Variants in POU3F2 observed in about 807,000 individuals in gnomAD.
POU3F2 encodes POU class 3 homeobox 2.
In POU3F2, 11 loss-of-function variants were observed where a neutral mutation model predicts 33.1. The ratio of observed to expected loss-of-function variants is 0.33; its 90% CI spans 0.21 to 0.55. POU3F2 has a LOEUF of 0.55. Among genes scored for constraint, POU3F2 ranks in the 20% least tolerant of loss-of-function variants. The pLI is 0.91. For missense variants in POU3F2, 456 were observed against 620.2 expected, an observed-to-expected ratio of 0.74 and a Z score of 2.81; for synonymous variants, 332 against 289.6, an observed-to-expected ratio of 1.15 and a Z score of -1.49.
Position 98,834,682 on chromosome 6 carries a change from C to T in POU3F2, c.-192C>T, listed in dbSNP as rs898817967. 11 of 585,612 alleles carry T rather than the reference C, an allele frequency of 1.9e-5. No homozygotes were observed. The highest frequency in any genetic ancestry group is 3.2e-5 in the Admixed American group (1 of 30,976). The allele number at this position is 585,612 out of a possible 1,614,324, so 36.3% of individuals were successfully genotyped here. A position where few individuals can be genotyped will look rare whatever the true frequency, so the allele number is the denominator to read the frequency against. ...AAAGAGAGCGAGGGCGGGCGGGAGGCGGCGGCGGCGGCAGCAGCAGCAGTA... is the reference window on the plus strand; with the variant it reads ...AAAGAGAGCGAGGGCGGGCGGGAGGTGGCGGCGGCGGCAGCAGCAGCAGTA... On this transcript the variant is annotated 5_prime_UTR_variant, in exon 1 of 1. Coordinates refer to ENST00000328345, the MANE Select transcript of POU3F2 (RefSeq NM_005604.4).
In POU3F2 at chr6:98,835,101, C is replaced by A; in HGVS notation, c.228C>A (p.Gly76=). ...GCGGCGGCGGCGGGGGCGGTGGCGG[C>A]GGCGGGGGGGGCGGGGGCGGCGGCG... ...SHGGGGGGGG[G]GGGGGGGGGG... The change falls in exon 1 of 1, where the codon GGC becomes GGA. Residue 76 remains glycine (G), a synonymous_variant. Coordinates refer to ENST00000328345, the MANE Select transcript of POU3F2 (RefSeq NM_005604.4). This position sits in a 1 kb window ranked among gnomAD's most constrained non-coding sequence, Gnocchi z 9.7. 8.6e-7 allele frequency: 1 copy of A among 1,166,278 alleles called. No individual in the cohort carries two copies. Among genetic ancestry groups the A allele is most frequent in the Non-Finnish European group, 1.1e-6 (1 of 949,656 alleles). The allele number at this position is 1,166,278 out of a possible 1,614,324, so 72.2% of individuals were successfully genotyped here.
In POU3F2 at chr6:98,834,888, G is replaced by T. The variant is rs2128367697; in HGVS notation, c.15G>T (p.Ala5=). 1 of 1,599,230 alleles carries T rather than the reference G, an allele frequency of 6.3e-7. No individual in the cohort carries two copies. The change falls in exon 1 of 1, where the codon GCG becomes GCT. Residue 5 remains alanine (A), a synonymous_variant. Coordinates refer to ENST00000328345, the MANE Select transcript of POU3F2 (RefSeq NM_005604.4). ...CTCCGAGAGTCATGGCGACCGCAGCGTCTAACCACTACAGCCTGCTCACCT... is the reference window on the plus strand; with the variant it reads ...CTCCGAGAGTCATGGCGACCGCAGCTTCTAACCACTACAGCCTGCTCACCT... MATA[A]SNHYSLLTSS...
rs1769979880 is a variant in POU3F2 at position 98,835,290 on chromosome 6, G to A, written c.417G>A (p.Gln139=). 1.3e-6 allele frequency: 2 copies of A among 1,544,612 alleles called. No individual in the cohort carries two copies. The highest frequency in any genetic ancestry group is 2.0e-5 in the Admixed American group (1 of 50,740). The change falls in exon 1 of 1, where the codon CAG becomes CAA. Residue 139 remains glutamine (Q), a synonymous_variant. Transcript: ENST00000328345. The surrounding 1 kb of genome is among the most constrained non-coding windows in gnomAD (Gnocchi z 9.7). ...QQQQQQQQQQ[Q]QQQQQQQQQQ... Reference sequence around the variant, plus strand: ...AGCAACAGCAACAGCAGCAGCAACAGCAGCAACAGCAGCAGCAGCAGCAGC... The same window carrying A: ...AGCAACAGCAACAGCAGCAGCAACAACAGCAACAGCAGCAGCAGCAGCAGC...
rs1281836098 is a variant in POU3F2, at chr6:98,838,418, A to C, written c.*2213A>C. ...TTACTAAGATGAAAGTTACCACTGA[A>C]CCTTACCACTATGTATATATGTTTA... On this transcript the variant is annotated 3_prime_UTR_variant, in exon 1 of 1. Coordinates refer to ENST00000328345, the MANE Select transcript of POU3F2 (RefSeq NM_005604.4). 2 of 166,988 alleles carry C rather than the reference A, an allele frequency of 1.2e-5. No homozygotes were observed. The highest frequency in any genetic ancestry group is 2.9e-5 in the Non-Finnish European group (2 of 68,106). The allele number at this position is 166,988 out of a possible 1,614,324, so 10.3% of individuals were successfully genotyped here.
chr6:98,839,152 TG>T lies in POU3F2; in HGVS notation c.*2948del, dbSNP rs776841872. On this transcript the variant is annotated 3_prime_UTR_variant, in exon 1 of 1. Coordinates refer to ENST00000328345, the MANE Select transcript of POU3F2 (RefSeq NM_005604.4). ...GCCATTTCATGGTCCTACAAAGAGA[TG>T]TTTGTCCCCTTTAAACATATGCAGA... 10 of 152,344 alleles carry T rather than the reference TG, an allele frequency of 6.6e-5. No homozygotes were observed. The highest frequency in any genetic ancestry group is 1.5e-4 in the Non-Finnish European group (10 of 68,034). The allele number at this position is 152,344 out of a possible 1,614,324, so 9.4% of individuals were successfully genotyped here. A position where few individuals can be genotyped will look rare whatever the true frequency, so the allele number is the denominator to read the frequency against.
rs1770042685 is a variant in POU3F2 at position 98,839,433 on chromosome 6, T to A, written c.*3228T>A. Reference sequence around the variant, plus strand: ...GTAGATCCTATACATTATTCCTGTTTGGTTTGCATAAAAAGATGAATTTTA... The same window carrying A: ...GTAGATCCTATACATTATTCCTGTTAGGTTTGCATAAAAAGATGAATTTTA... On this transcript the variant is annotated 3_prime_UTR_variant, in exon 1 of 1. Transcript: ENST00000328345. 6.6e-6 allele frequency: 1 copy of A among 152,244 alleles called. No individual in the cohort carries two copies. Among genetic ancestry groups the A allele is most frequent in the Non-Finnish European group, 1.5e-5 (1 of 68,044 alleles). The allele number at this position is 152,244 out of a possible 1,614,324, so 9.4% of individuals were successfully genotyped here. A position where few individuals can be genotyped will look rare whatever the true frequency, so the allele number is the denominator to read the frequency against.
chr6:98,835,977 T>C lies in POU3F2; in HGVS notation c.1104T>C (p.Ala368=), dbSNP rs891792469. The C allele has an allele frequency of 1.9e-6, 3 of 1,613,790 alleles. No individual in the cohort carries two copies. Among genetic ancestry groups the C allele is most frequent in the African/African-American group, 2.7e-5 (2 of 74,898 alleles). The change falls in exon 1 of 1, where the codon GCT becomes GCC. Residue 368 remains alanine (A), a synonymous_variant. Coordinates refer to ENST00000328345, the MANE Select transcript of POU3F2 (RefSeq NM_005604.4). This position sits in a 1 kb window ranked among gnomAD's most constrained non-coding sequence, Gnocchi z 9.7. ...RTSIEVSVKG[A]LESHFLKCPK... The stretch of plus-strand genomic sequence containing the variant: ...CCATCGAGGTGAGCGTCAAGGGGGC[T>C]CTGGAGAGCCATTTCCTCAAATGCC...
rs777433393 is a variant in POU3F2, at chr6:98,837,501, T to A, written c.*1296T>A. On this transcript the variant is annotated 3_prime_UTR_variant, in exon 1 of 1. Transcript: ENST00000328345. ...AAGACTGTGTTTTTTAGCACACAGA[T>A]ACCCACAGCATACACTGACGATCTC... is the stretch of plus-strand genomic sequence containing the variant. The A allele has an allele frequency of 6.6e-5, 11 of 167,010 alleles. No homozygotes were observed. Among genetic ancestry groups the A allele is most frequent in the Admixed American group, 5.2e-4 (8 of 15,284 alleles). 10.3% of individuals were successfully genotyped at this position (167,010 alleles called of 1,614,324 possible).
At position 98,839,119 on chromosome 6, in the gene POU3F2, A is replaced by G. The variant is rs1231248603; in HGVS notation, c.*2914A>G. On this transcript the variant is annotated 3_prime_UTR_variant, in exon 1 of 1. Coordinates refer to ENST00000328345, the MANE Select transcript of POU3F2 (RefSeq NM_005604.4). ...AAATGGTCATTGGGTTTGAGCTTCA[A>G]TTTGCTTGCCATTTCATGGTCCTAC... 1 of 152,014 alleles carries G rather than the reference A, an allele frequency of 6.6e-6. No homozygotes were observed. Among genetic ancestry groups the G allele is most frequent in the Non-Finnish European group, 1.5e-5 (1 of 68,006 alleles). 9.4% of individuals were successfully genotyped at this position (152,014 alleles called of 1,614,324 possible).
chr6:98,834,803 C>A lies in POU3F2; in HGVS notation c.-71C>A. On this transcript the variant is annotated 5_prime_UTR_variant, in exon 1 of 1. Transcript: ENST00000328345. ...AGAAAGAGCGAGCGAGGAGAGGGAG[C>A]CCGAGGCGAAAAAGTAACTGTCAAA... 2.0e-6 allele frequency: 3 copies of A among 1,517,850 alleles called. No individual in the cohort carries two copies. The highest frequency in any genetic ancestry group is 1.8e-6 in the Non-Finnish European group (2 of 1,125,228). 94.0% of individuals were successfully genotyped at this position (1,517,850 alleles called of 1,614,324 possible). A position where few individuals can be genotyped will look rare whatever the true frequency, so the allele number is the denominator to read the frequency against.
At position 98,835,346 on chromosome 6, in the gene POU3F2, C is replaced by A. The variant is rs1401873134; in HGVS notation, c.473C>A (p.Ala158Asp). ...QQRPPHLVHH[A>D]ANHHPGPGAW... ...CGGCCGCCGCATCTGGTGCACCACG[C>A]CGCTAACCACCACCCGGGACCCGGG... is the stretch of plus-strand genomic sequence containing the variant. Residue 158 changes from alanine to aspartate, a missense_variant, in exon 1 of 1, where the codon GCC becomes GAC. Transcript: ENST00000328345. The surrounding 1 kb of genome is among the most constrained non-coding windows in gnomAD (Gnocchi z 9.7). 1.1e-5 allele frequency: 17 copies of A among 1,547,146 alleles called. No homozygotes were observed. Among genetic ancestry groups the A allele is most frequent in the Non-Finnish European group, 1.3e-5 (15 of 1,146,904 alleles).
chr6:98,835,257 T>TCAGCAGCAGCAA lies in POU3F2; in HGVS notation c.390_401dup (p.Gln146_Gln149dup). ...GGCCAGGCGCCCTGCAGCAGCAGCATCAGCAGCAGCAACAGCAACAGCAGC... is the reference window on the plus strand; with the variant it reads ...GGCCAGGCGCCCTGCAGCAGCAGCATCAGCAGCAGCAACAGCAGCAGCAACAGCAACAGCAGC... On this transcript the variant is annotated inframe_insertion, in exon 1 of 1. Coordinates refer to ENST00000328345, the MANE Select transcript of POU3F2 (RefSeq NM_005604.4). The surrounding 1 kb of genome is among the most constrained non-coding windows in gnomAD (Gnocchi z 9.7). The TCAGCAGCAGCAA allele has an allele frequency of 1.9e-6, 3 of 1,542,212 alleles. No individual in the cohort carries two copies. Among genetic ancestry groups the TCAGCAGCAGCAA allele is most frequent in the Non-Finnish European group, 2.6e-6 (3 of 1,144,210 alleles).
Position 98,834,816 on chromosome 6 carries a change from A to C in POU3F2, c.-58A>C. On this transcript the variant is annotated 5_prime_UTR_variant, in exon 1 of 1. Coordinates refer to ENST00000328345, the MANE Select transcript of POU3F2 (RefSeq NM_005604.4). Reference sequence around the variant, plus strand: ...GAGGAGAGGGAGCCCGAGGCGAAAAAGTAACTGTCAAATGCGCGGCTCCTT... The same window carrying C: ...GAGGAGAGGGAGCCCGAGGCGAAAACGTAACTGTCAAATGCGCGGCTCCTT... 3.8e-6 allele frequency: 6 copies of C among 1,559,948 alleles called. No homozygotes were observed. The highest frequency in any genetic ancestry group is 1.1e-5 in the South Asian group (1 of 89,098).
chr6:98,836,936 C>T lies in POU3F2; in HGVS notation c.*731C>T, dbSNP rs1423936872. The T allele has an allele frequency of 1.2e-5, 2 of 167,064 alleles. No individual in the cohort carries two copies. Among genetic ancestry groups the T allele is most frequent in the Non-Finnish European group, 1.5e-5 (1 of 68,112 alleles). 10.3% of individuals were successfully genotyped at this position (167,064 alleles called of 1,614,324 possible). ...TCGTACTGTTTGTGAACTTTGGTTA[C>T]CTTCACATTCCCCTTACGAGGGTGT... On this transcript the variant is annotated 3_prime_UTR_variant, in exon 1 of 1. Transcript: ENST00000328345.
chr6:98,835,459 A>G lies in POU3F2; in HGVS notation c.586A>G (p.Thr196Ala). Residue 196 changes from threonine (T) to alanine (A), a missense_variant, in exon 1 of 1, where the codon ACG (threonine) becomes GCG (alanine). Transcript: ENST00000328345. The surrounding 1 kb of genome is among the most constrained non-coding windows in gnomAD (Gnocchi z 9.7). Reference protein sequence around the residue: ...GGLLYSQPSFTVNGMLGAGGQ... With the variant: ...GGLLYSQPSFAVNGMLGAGGQ... ...CTTGCTCTACTCGCAGCCCAGCTTC[A>G]CGGTGAACGGCATGCTGGGCGCCGG... The G allele has an allele frequency of 6.3e-7, 1 of 1,583,332 alleles. No homozygotes were observed. Among genetic ancestry groups the G allele is most frequent in the East Asian group, 2.4e-5 (1 of 42,174 alleles).
chr6:98,836,139 C>A lies in POU3F2; in HGVS notation c.1266C>A (p.Ala422=). 6.2e-7 allele frequency: 1 copy of A among 1,604,870 alleles called. No individual in the cohort carries two copies. Among genetic ancestry groups the A allele is most frequent in the African/African-American group, 1.4e-5 (1 of 74,028 alleles). ...CTCCCGGAGGGACTCTGCCGGGCGC[C>A]GAGGATGTGTACGGGGGGAGTAGGG... The part of the protein sequence containing the change: ...MTPPGGTLPG[A]EDVYGGSRDT... The change falls in exon 1 of 1, where the codon GCC becomes GCA. Residue 422 remains alanine (A), a synonymous_variant. Coordinates refer to ENST00000328345, the MANE Select transcript of POU3F2 (RefSeq NM_005604.4).
rs1372325416 is a variant in POU3F2 at position 98,835,282 on chromosome 6, C to T, written c.409C>T (p.Gln137Ter). 6.5e-7 allele frequency: 1 copy of T among 1,545,354 alleles called. No homozygotes were observed. Among genetic ancestry groups the T allele is most frequent in the Non-Finnish European group, 8.7e-7 (1 of 1,144,976 alleles). The change falls in exon 1 of 1, where the codon CAG becomes TAG. Residue 137 changes from glutamine (Q) to a stop codon, truncating the protein, a stop_gained. Transcript: ENST00000328345. LOFTEE classifies it high-confidence loss of function. This position sits in a 1 kb window ranked among gnomAD's most constrained non-coding sequence, Gnocchi z 9.7. ...QHQQQQQQQQ[Q>*]QQQQQQQQQQ... Reference sequence around the variant, plus strand: ...TCAGCAGCAGCAACAGCAACAGCAGCAGCAACAGCAGCAACAGCAGCAGCA... The same window carrying T: ...TCAGCAGCAGCAACAGCAACAGCAGTAGCAACAGCAGCAACAGCAGCAGCA...
At position 98,835,357 on chromosome 6, in the gene POU3F2, C is replaced by G. The variant is rs746352049; in HGVS notation, c.484C>G (p.His162Asp). ...PHLVHHAANH[H>D]PGPGAWRSAA... is the part of the protein sequence containing the mutation. ...TCTGGTGCACCACGCCGCTAACCAC[C>G]ACCCGGGACCCGGGGCATGGCGGAG... Residue 162 changes from histidine (H) to aspartate (D), a missense_variant, in exon 1 of 1, where the codon CAC (histidine) becomes GAC (aspartate). Transcript: ENST00000328345. This position sits in a 1 kb window ranked among gnomAD's most constrained non-coding sequence, Gnocchi z 9.7. The G allele has an allele frequency of 6.4e-7, 1 of 1,553,274 alleles. No individual in the cohort carries two copies. Among genetic ancestry groups the G allele is most frequent in the Non-Finnish European group, 8.7e-7 (1 of 1,150,298 alleles).
At position 98,835,890 on chromosome 6, in the gene POU3F2, G is replaced by A. The variant is rs200105843; in HGVS notation, c.1017G>A (p.Ser339=). The A allele has an allele frequency of 5.1e-5, 83 of 1,614,048 alleles. No individual in the cohort carries two copies. The highest frequency in any genetic ancestry group is 6.4e-5 in the Non-Finnish European group (76 of 1,180,024). ...GGTTGGAGGAGGCGGACTCGTCCTC[G>A]GGCAGCCCCACGAGCATAGACAAGA... ...NKWLEEADSS[S]GSPTSIDKIA... is the part of the protein sequence containing the mutation. Residue 339 remains serine, a synonymous_variant, in exon 1 of 1, where the codon TCG becomes TCA. Coordinates refer to ENST00000328345, the MANE Select transcript of POU3F2 (RefSeq NM_005604.4). The surrounding 1 kb of genome is among the most constrained non-coding windows in gnomAD (Gnocchi z 9.7).
Sources: allele counts gnomAD v4.1 joint callset, GRCh38; gene constraint gnomAD v4.1.1; non-coding constraint Gnocchi (gnomAD v3.1); transcripts MANE v1.5; gene names NCBI Gene and HGNC (gene_info 2026-07-23, HGNC 2026-07-21).